The following KIAA1671 variants were observed in gnomAD, a reference collection of about 807,000 sequenced individuals.
KIAA1671 encodes the protein KIAA1671.
Under a neutral mutation model 131.2 loss-of-function variants are expected in KIAA1671, and 52 were observed. The observed-to-expected ratio is 0.40, with a 90% CI of 0.32 to 0.50. The LOEUF (loss-of-function observed/expected upper bound fraction) is 0.50. KIAA1671 is among the 20% of genes least tolerant of loss of function. KIAA1671 has a pLI of 0.73. For synonymous variants in KIAA1671, 1,003 were observed against 961.6 expected (o/e 1.04, Z -0.80); for missense variants, 2,360 against 2,364.2 (o/e 1.00, Z 0.04).
intron 6 of KIAA1671, among the ~76,000 whole-genome samples, chr22:25,164,978 C>CGTGTGG (rs1933593021): frequency 8.6e-6 from 1 of 116,584 alleles, no homozygotes; most frequent in African/African-American, 3.2e-5. Context: ...GAGTTGCAGG[C>CGTGTGG]GTGTGTGTGT....
rs1054644853 is a variant in KIAA1671, at chr22:25,181,343, G to A, written c.5075-356G>A. 3.9e-5 allele frequency among the ~76,000 whole-genome samples: 6 copies of A among 152,226 alleles called. 1 individual carries two copies. The highest frequency in any genetic ancestry group is 2.1e-4 in the South Asian group (1 of 4,824). On this transcript the variant is annotated intron_variant, in intron 9 of 12. Coordinates refer to ENST00000358431, the MANE Select transcript of KIAA1671 (RefSeq NM_001145206.2). ...CATTCTCCTCTGAGAGCATAACCTC[G>A]GTGCATTGTTGGCTGAAAGCATTCC... is the stretch of plus-strand genomic sequence containing the variant.
intron 6 of KIAA1671, chr22:25,102,517 A>G (rs1018119880): frequency 6.6e-6 from 1 of 150,428 alleles, no homozygotes; most frequent in Admixed American, 6.6e-5. Flanking sequence ...ATCTCCGCTC[A>G]CTGCAACCTC....
Position 25,070,543 on chromosome 22 carries a change from G to C in KIAA1671, c.4530+21179G>C, listed in dbSNP as rs143185159. On this transcript the variant is annotated intron_variant, in intron 6 of 12. Transcript: ENST00000358431. Reference sequence around the variant, plus strand: ...ATGTCTCTGTTTTCTTTAAGAAATGGTGGAGGTTACAAGGAAGAGAGAATG... The same window carrying C: ...ATGTCTCTGTTTTCTTTAAGAAATGCTGGAGGTTACAAGGAAGAGAGAATG... 366 of 402,600 alleles carry C rather than the reference G, an allele frequency of 9.1e-4. 7 individuals are homozygous for C. In the East Asian group the frequency reaches 0.01, roughly 11 times the overall value. 24.9% of individuals were successfully genotyped at this position (402,600 alleles called of 1,614,324 possible).
chr22:25,122,200 G>A (rs1046674709), intron 6 of KIAA1671, among the ~76,000 whole-genome samples: 12 of 152,220 alleles, frequency 7.9e-5, no homozygotes, highest in Middle Eastern at 3.4e-3. Flanking sequence ...CTCGGGCACC[G>A]GACCACATTG....
intron 1 of KIAA1671, among the ~76,000 whole-genome samples, chr22:24,973,240 G>A (rs1006571299): frequency 1.3e-5 from 2 of 152,082 alleles, no homozygotes; most frequent in African/African-American, 4.8e-5. Context: ...TGTGCTCAGG[G>A]GCAGAAGTGG....
At chr22:25,130,911 C>T (rs1044078426) in intron 6 of KIAA1671, among the ~76,000 whole-genome samples, 4 of 152,232 alleles carry the variant, frequency 2.6e-5, no homozygotes, top group Admixed American at 1.3e-4. Flanking sequence ...ATAACTTACC[C>T]ACCACACCCC....
At position 25,093,824 on chromosome 22, in the gene KIAA1671, T is replaced by TTCTCTC. The variant is rs1568951523; in HGVS notation, c.4530+44464_4530+44469dup. Among the ~76,000 whole-genome samples, 82 of 21,934 alleles carry TTCTCTC rather than the reference T, an allele frequency of 3.7e-3. 10 individuals carry two copies. Among genetic ancestry groups the TTCTCTC allele is most frequent in the African/African-American group, 7.2e-3 (26 of 3,632 alleles). The allele number at this position is 21,934 out of a possible 152,430, so 14.4% of individuals were successfully genotyped here. A position where few individuals can be genotyped will look rare whatever the true frequency, so the allele number is the denominator to read the frequency against. The stretch of plus-strand genomic sequence containing the variant: ...TCTCTCTCTCTCTGTCTCTCTCTCT[T>TTCTCTC]TCTCTCTCTGTCTGTCTCTCTCTCT... On this transcript the variant is annotated intron_variant, in intron 6 of 12. Transcript: ENST00000358431.
intron 6 of KIAA1671, among the ~76,000 whole-genome samples, chr22:25,128,270 T>A (rs1932274136): frequency 6.6e-6 from 1 of 152,140 alleles, no homozygotes. Flanking sequence ...TAAGGACCAA[T>A]CCCTTAATGT....
chr22:25,173,229 C>A (rs527501681), intron 7 of KIAA1671, among the ~76,000 whole-genome samples: 19 of 152,110 alleles, frequency 1.2e-4, no homozygotes, highest in South Asian at 2.1e-4. Context: ...AATCACTTCC[C>A]CCCACCAGGC....
rs1479847934 is a variant in KIAA1671 at position 25,098,616 on chromosome 22, A to G, written c.4530+49252A>G. On this transcript the variant is annotated intron_variant, in intron 6 of 12. Transcript: ENST00000358431. ...TGCAGGCAGCTCTGGGTTGGAAACA[A>G]CTGGGTGGAGGGGGCGGGGGGGGGT... Among the ~76,000 whole-genome samples the G allele has an allele frequency of 3.8e-5, 5 of 130,844 alleles. No individual in the cohort carries two copies. In the East Asian group the frequency reaches 9.9e-4, roughly 26 times the overall value. The allele number at this position is 130,844 out of a possible 152,430, so 85.8% of individuals were successfully genotyped here. A position where few individuals can be genotyped will look rare whatever the true frequency, so the allele number is the denominator to read the frequency against.
chr22:25,093,782 C>CTCTCTCTG (rs1930213180), intron 6 of KIAA1671, among the ~76,000 whole-genome samples: 2 of 127,028 alleles, frequency 1.6e-5, no homozygotes, highest in African/African-American at 3.2e-5. Context: ...CTCTCTCTCT[C>CTCTCTCTG]TCTCTCTCTC....
intron 1 of KIAA1671, among the ~76,000 whole-genome samples, chr22:24,974,468 C>T (rs777144943): frequency 6.6e-5 from 10 of 151,912 alleles, no homozygotes; most frequent in Admixed American, 1.3e-4. Flanking sequence ...CATGGTCAGT[C>T]GGCTAGGAGG....
chr22:25,117,523 G>C (rs1257537232), intron 6 of KIAA1671, among the ~76,000 whole-genome samples: 1 of 151,176 alleles, frequency 6.6e-6, no homozygotes, highest in Admixed American at 6.6e-5. Flanking sequence ...ATTTGCTTCT[G>C]TGTTAATTAT....
chr22:24,985,464 C>G (rs1004536772), intron 1 of KIAA1671, among the ~76,000 whole-genome samples: 5 of 152,002 alleles, frequency 3.3e-5, no homozygotes, highest in Non-Finnish European at 1.5e-5. Flanking sequence ...CTCAGCCTCC[C>G]GAGTAGCTGG....
chr22:25,120,168 A>T (rs530821780), intron 6 of KIAA1671, among the ~76,000 whole-genome samples: 1 of 152,258 alleles, frequency 6.6e-6, no homozygotes, highest in African/African-American at 2.4e-5. Flanking sequence ...TGCCTGTGCC[A>T]ACTGCCAACT....
intron 3 of KIAA1671, among the ~76,000 whole-genome samples, chr22:25,029,801 T>G (rs1926177237): frequency 6.6e-6 from 1 of 152,208 alleles, no homozygotes; most frequent in Non-Finnish European, 1.5e-5. Context: ...AGTGTGTGAG[T>G]GAAGTGGGCG....
intron 6 of KIAA1671, among the ~76,000 whole-genome samples, chr22:25,159,192 G>A (rs750459293): frequency 2.0e-5 from 3 of 152,122 alleles, no homozygotes; most frequent in Non-Finnish European, 2.9e-5. Flanking sequence ...ACTCCCAGCC[G>A]GGAAACCAAA....
chr22:24,991,810 G>A (rs1166069989), intron 1 of KIAA1671, among the ~76,000 whole-genome samples: 1 of 152,068 alleles, frequency 6.6e-6, no homozygotes, highest in Non-Finnish European at 1.5e-5. Context: ...CATAGTCACT[G>A]AGTAATTGCG....
At chr22:25,078,785 G>T (rs116914395) in intron 6 of KIAA1671, among the ~76,000 whole-genome samples, 6,042 of 152,224 alleles carry the variant, frequency 0.04, 169 homozygotes, top group Admixed American at 0.079. Context: ...TGCTGTTTGA[G>T]TTGGGCCTGA....
Sources: gnomAD v4.1 joint callset for allele counts (sites outside exome capture counted in the v4.1 genomes callset) on GRCh38, gnomAD v4.1.1 for gene constraint, MANE v1.5 for transcripts, NCBI Gene and HGNC (gene_info 2026-07-23, HGNC 2026-07-21) for gene names.